WDR12: variants seen among roughly 807,000 people sequenced by gnomAD.
WDR12 encodes WD repeat domain 12, also known as ribosome biogenesis protein WDR12.
A neutral mutation model predicts 64.3 loss-of-function variants in WDR12; 42 were observed. That is an observed-to-expected ratio of 0.65 (90% CI 0.51 to 0.84). The LOEUF is 0.84. WDR12 is among the 40% of genes least tolerant of loss of function. The probability of loss-of-function intolerance (pLI) is 0.00; values close to 1 mark genes in which losing one functional copy is unlikely to be tolerated. For missense variants in WDR12, 469 were observed against 494.6 expected (o/e 0.95, Z 0.49); for synonymous variants, 158 against 173.3 (o/e 0.91, Z 0.70).
intron 1 of WDR12, among the ~76,000 whole-genome samples, chr2:202,909,426 C>G (rs1688523628): frequency 6.6e-6 from 1 of 152,030 alleles, no homozygotes; most frequent in African/African-American, 2.4e-5. Context: ...GTGAAAGAAG[C>G]CAGTCACAAA....
At chr2:202,898,882 C>A (rs995800504) in intron 4 of WDR12, among the ~76,000 whole-genome samples, 1 of 148,302 alleles carries the variant, frequency 6.7e-6, no homozygotes, top group African/African-American at 2.5e-5. Flanking sequence ...GAGGCTGAGG[C>A]AGGAGGACTG....
chr2:202,895,936 G>T, intron 6 of WDR12, 129 bp downstream of exon 6: 1 of 1,092,314 alleles, frequency 9.2e-7, no homozygotes, highest in Non-Finnish European at 1.3e-6. Context: ...CTCTTGCTTT[G>T]AAATCCTATC....
chr2:202,909,214 C>T (rs1688519307), intron 1 of WDR12, among the ~76,000 whole-genome samples: 1 of 152,204 alleles, frequency 6.6e-6, no homozygotes, highest in Non-Finnish European at 1.5e-5. Context: ...CGAAAACATA[C>T]ATCCACACGA....
At chr2:202,892,117 G>A (rs1179821890) in intron 8 of WDR12, among the ~76,000 whole-genome samples, 1 of 152,152 alleles carries the variant, frequency 6.6e-6, no homozygotes, top group East Asian at 1.9e-4. Flanking sequence ...ATTTTTAAAA[G>A]TAAGAAAAAA....
At position 202,882,707 on chromosome 2, in the gene WDR12, T is replaced by C. The variant is rs1559157960; in HGVS notation, c.1194+4A>G. ...TCTTCATCAAATAACTAATAAATTC[T>C]TACCCCTGTGTCTGTCCAGTCTACA... On this transcript the variant is annotated splice_donor_region_variant and intron_variant, in intron 12 of 12. Coordinates refer to ENST00000261015, the MANE Select transcript of WDR12 (RefSeq NM_018256.4). The C allele has an allele frequency of 1.2e-6, 2 of 1,612,858 alleles. No homozygotes were observed. The highest frequency in any genetic ancestry group is 1.7e-6 in the Non-Finnish European group (2 of 1,178,932).
chr2:202,900,072 A>T (rs890462763), intron 3 of WDR12, among the ~76,000 whole-genome samples: 45 of 152,280 alleles, frequency 3.0e-4, no homozygotes, highest in African/African-American at 9.9e-4. Flanking sequence ...GCTCACACCC[A>T]TAACCCCAGC....
At chr2:202,881,609 C>T (rs1248088775) in intron 12 of WDR12, among the ~76,000 whole-genome samples, 1 of 151,986 alleles carries the variant, frequency 6.6e-6, no homozygotes, top group African/African-American at 2.4e-5. Flanking sequence ...AGTGAGACCA[C>T]GTCTCTACAA....
intron 2 of WDR12, among the ~76,000 whole-genome samples, chr2:202,904,835 C>A (rs917724697): frequency 1.3e-5 from 2 of 152,130 alleles, no homozygotes; most frequent in African/African-American, 4.8e-5. Flanking sequence ...GCGATCCCAT[C>A]AGGTTAAAAA....
chr2:202,906,958 A>AT (rs112645694), intron 2 of WDR12, among the ~76,000 whole-genome samples: 15,348 of 145,164 alleles, frequency 0.11, 974 homozygotes, highest in Non-Finnish European at 0.15. Context: ...AAACTTCAAC[A>AT]TTTTTTTTTT....
At chr2:202,903,482 AG>A (rs1246295736) in intron 2 of WDR12, among the ~76,000 whole-genome samples, 1 of 125,538 alleles carries the variant, frequency 8.0e-6, no homozygotes, top group Non-Finnish European at 1.7e-5. Context: ...GAAGGAAGGA[AG>A]GAAGGAAGGA....
chr2:202,896,610 G>A (rs1468959369), intron 5 of WDR12, among the ~76,000 whole-genome samples: 1 of 152,170 alleles, frequency 6.6e-6, no homozygotes, highest in South Asian at 2.1e-4. Context: ...AGAATCACTT[G>A]AACTCAGGAG....
intron 1 of WDR12, among the ~76,000 whole-genome samples, chr2:202,910,811 G>A (rs534142846): frequency 9.2e-5 from 14 of 152,218 alleles, no homozygotes; most frequent in African/African-American, 3.1e-4. Flanking sequence ...AACTCAGGTG[G>A]GAGTTTCCTA....
intron 2 of WDR12, 141 bp downstream of exon 2, chr2:202,907,724 G>A (rs1688484047): frequency 1.6e-6 from 1 of 613,260 alleles, no homozygotes; most frequent in Non-Finnish European, 2.8e-6. Context: ...TCATCCAGCA[G>A]AAGAACCTGT....
At chr2:202,882,855 A>G in intron 11 of WDR12, 72 bp from the exon 12 acceptor site, 1 of 1,492,632 alleles carries the variant, frequency 6.7e-7, no homozygotes, top group Non-Finnish European at 9.3e-7. Flanking sequence ...AATCACTTAT[A>G]CTTATCTGAA....
chr2:202,878,912 CTAATGA>C lies in WDR12; in HGVS notation c.*1942_*1947del, dbSNP rs1687905040. 1 of 152,070 alleles carries C rather than the reference CTAATGA, an allele frequency of 6.6e-6. No homozygotes were observed. Among genetic ancestry groups the C allele is most frequent in the Non-Finnish European group, 1.5e-5 (1 of 68,032 alleles). The allele number at this position is 152,070 out of a possible 1,614,324, so 9.4% of individuals were successfully genotyped here. A position where few individuals can be genotyped will look rare whatever the true frequency, so the allele number is the denominator to read the frequency against. On this transcript the variant is annotated 3_prime_UTR_variant, in exon 13 of 13. Transcript: ENST00000261015. ...TATAACACATGCATAAAGATAAATG[CTAATGA>C]TATCATAAAATCTGTAGAATGTTTA...
Position 202,904,520 on chromosome 2 carries a change from A to G in WDR12, c.136+3345T>C, listed in dbSNP as rs192940448. ...CATACACCAATGGAACAGAATAGAG[A>G]AGCCAAAACAAATCCACACATCTAC... On this transcript the variant is annotated intron_variant, in intron 2 of 12. Coordinates refer to ENST00000261015, the MANE Select transcript of WDR12 (RefSeq NM_018256.4). Among the ~76,000 whole-genome samples, 808 of 152,268 alleles carry G rather than the reference A, an allele frequency of 5.3e-3. 7 individuals carry two copies. The highest frequency in any genetic ancestry group is 0.019 in the African/African-American group (769 of 41,546).
rs181690765 is a variant in WDR12, at chr2:202,906,576, G to A, written c.136+1289C>T. On this transcript the variant is annotated intron_variant, in intron 2 of 12. Coordinates refer to ENST00000261015, the MANE Select transcript of WDR12 (RefSeq NM_018256.4). ...GAAACATCTGCATAAAAATACACTTGCCTCTGGCTGGGCATGGTGGCTCAC... is the reference window on the plus strand; with the variant it reads ...GAAACATCTGCATAAAAATACACTTACCTCTGGCTGGGCATGGTGGCTCAC... Among the ~76,000 whole-genome samples the A allele has an allele frequency of 3.4e-3, 516 of 152,306 alleles. 2 individuals are homozygous for A. Among genetic ancestry groups the A allele is most frequent in the Non-Finnish European group, 4.7e-3 (317 of 68,034 alleles).
intron 8 of WDR12, among the ~76,000 whole-genome samples, chr2:202,891,710 T>G (rs1377263085): frequency 6.6e-6 from 1 of 152,246 alleles, no homozygotes; most frequent in East Asian, 1.9e-4. Flanking sequence ...CTTTATTTAC[T>G]GCACATTCAT....
At chr2:202,889,501 T>A (rs1430440030) in intron 8 of WDR12, among the ~76,000 whole-genome samples, 1 of 149,240 alleles carries the variant, frequency 6.7e-6, no homozygotes, top group East Asian at 2.0e-4. Context: ...TATAAAAAAA[T>A]GAATAACAAC....
Sources: gnomAD v4.1 joint callset for allele counts (sites outside exome capture counted in the v4.1 genomes callset) on GRCh38, gnomAD v4.1.1 for gene constraint, MANE v1.5 for transcripts, NCBI Gene and HGNC (gene_info 2026-07-23, HGNC 2026-07-21) for gene names.